COL24A1: variants seen among roughly 807,000 people sequenced by gnomAD.
COL24A1 encodes the protein collagen alpha-1(XXIV) chain.
Under a neutral mutation model 253.9 loss-of-function variants are expected in COL24A1, and 224 were observed. The observed-to-expected ratio is 0.88, with a 90% CI of 0.79 to 0.99. COL24A1 has a LOEUF of 0.99. COL24A1 is among the 50% of genes least tolerant of loss of function. COL24A1 has a pLI of 0.00. For missense variants in COL24A1, 2,131 were observed against 2,068.5 expected (o/e 1.03, Z -0.59); for synonymous variants, 685 against 673.7 (o/e 1.02, Z -0.26).
chr1:85,802,848 T>C (rs901146525), intron 47 of COL24A1, among the ~76,000 whole-genome samples: 3 of 152,206 alleles, frequency 2.0e-5, no homozygotes, highest in Non-Finnish European at 4.4e-5. Context: ...TGTATCTTTT[T>C]GTCTGTTTTT....
intron 28 of COL24A1, among the ~76,000 whole-genome samples, chr1:85,901,824 C>CAAAAAAAAAAAA (rs55862441): frequency 2.1e-4 from 12 of 57,790 alleles, no homozygotes; most frequent in East Asian, 1.3e-3. Context: ...GACTCCGTCT[C>CAAAAAAAAAAAA]AAAAAAAAAA....
intron 47 of COL24A1, among the ~76,000 whole-genome samples, chr1:85,790,462 G>A: frequency 6.6e-6 from 1 of 151,014 alleles, no homozygotes; most frequent in East Asian, 1.9e-4. Flanking sequence ...TTATTAGATA[G>A]CTAATGATCT....
chr1:85,828,936 A>G (rs1423251114), intron 43 of COL24A1, among the ~76,000 whole-genome samples: 1 of 150,782 alleles, frequency 6.6e-6, no homozygotes, highest in East Asian at 1.9e-4. Flanking sequence ...TAAAGTTAAT[A>G]TTGTTATGTG....
At chr1:85,766,387 A>G (rs1247604424) in intron 53 of COL24A1, among the ~76,000 whole-genome samples, 176 of 59,160 alleles carry the variant, frequency 3.0e-3, no homozygotes, top group African/African-American at 7.1e-3. Flanking sequence ...AAAAAAAAAA[A>G]AAAGAAAGAA....
chr1:85,801,563 T>C (rs745499503), intron 47 of COL24A1, among the ~76,000 whole-genome samples: 2 of 152,226 alleles, frequency 1.3e-5, no homozygotes, highest in Non-Finnish European at 2.9e-5. Context: ...CCCTTTACCA[T>C]TTCAGGTCTA....
At chr1:86,073,190 C>T (rs766602141) in intron 7 of COL24A1, among the ~76,000 whole-genome samples, 19 of 152,128 alleles carry the variant, frequency 1.2e-4, no homozygotes, top group Non-Finnish European at 2.4e-4. Flanking sequence ...GCTAAAGGAG[C>T]ATGTTCTAAC....
chr1:85,806,584 A>C (rs751039072), intron 47 of COL24A1, among the ~76,000 whole-genome samples: 8 of 152,234 alleles, frequency 5.3e-5, no homozygotes, highest in Non-Finnish European at 1.0e-4. Flanking sequence ...TGTTTTTCAC[A>C]AAACATTCTT....
In COL24A1 at chr1:85,747,272, C is replaced by T. The variant is rs562918329; in HGVS notation, c.4438-1766G>A. 8.6e-5 allele frequency among the ~76,000 whole-genome samples: 13 copies of T among 151,768 alleles called. No homozygotes were observed. In the East Asian group the frequency reaches 1.6e-3, roughly 18 times the overall value. ...GTGACTACAGGCTTGTGACAACACA[C>T]CCAGCTAATTTTTGTATTTTTGGTA... On this transcript the variant is annotated intron_variant, in intron 55 of 59. Coordinates refer to ENST00000370571, the MANE Select transcript of COL24A1 (RefSeq NM_152890.7).
chr1:85,884,592 T>C (rs921984770), intron 32 of COL24A1, among the ~76,000 whole-genome samples: 1 of 152,138 alleles, frequency 6.6e-6, no homozygotes, highest in African/African-American at 2.4e-5. Context: ...GAATTGGATA[T>C]TACCCTTCTT....
intron 21 of COL24A1, 57 bp downstream of exon 21, chr1:85,971,281 AAG>A: frequency 6.9e-7 from 1 of 1,452,114 alleles, no homozygotes; most frequent in Non-Finnish European, 9.6e-7. Context: ...AATAAATAAA[AAG>A]GGAAAATTTT....
chr1:85,987,564 C>A, intron 20 of COL24A1, 37 bp downstream of exon 20: 2 of 1,566,504 alleles, frequency 1.3e-6, no homozygotes, highest in Non-Finnish European at 1.7e-6. Context: ...TCTAGATAAC[C>A]ATAATTGTTT....
intron 37 of COL24A1, among the ~76,000 whole-genome samples, chr1:85,853,778 G>C (rs1678092666): frequency 6.6e-6 from 1 of 152,148 alleles, no homozygotes; most frequent in Non-Finnish European, 1.5e-5. Flanking sequence ...TTTTTGAGAA[G>C]TGTATGTTCA....
At chr1:85,788,866 G>A (rs553967347) in intron 47 of COL24A1, among the ~76,000 whole-genome samples, 263 of 152,258 alleles carry the variant, frequency 1.7e-3, no homozygotes, top group Non-Finnish European at 2.9e-3. Context: ...AGATCAGATG[G>A]TTGTAGGTGT....
chr1:86,012,406 A>G (rs1486753347), intron 19 of COL24A1, among the ~76,000 whole-genome samples: 1 of 152,010 alleles, frequency 6.6e-6, no homozygotes, highest in Non-Finnish European at 1.5e-5. Context: ...CGGCTAACAC[A>G]GTGAAATCCC....
At position 86,038,020 on chromosome 1, in the gene COL24A1, T is replaced by C. The variant is rs1317979778; in HGVS notation, c.1951-4097A>G. Among the ~76,000 whole-genome samples the C allele has an allele frequency of 2.0e-5, 3 of 152,176 alleles. No homozygotes were observed. The East Asian group carries it at 5.8e-4, about 29-fold the overall frequency. On this transcript the variant is annotated intron_variant, in intron 12 of 59. Coordinates refer to ENST00000370571, the MANE Select transcript of COL24A1 (RefSeq NM_152890.7). ...AAATTTGACTTTATCTTGTTAAATA[T>C]CTGTATTTTAAACTTTATCATTCCA...
rs535479135 is a variant in COL24A1, at chr1:85,953,107, T to C, written c.2562+8142A>G. Among the ~76,000 whole-genome samples the C allele has an allele frequency of 5.7e-4, 87 of 152,280 alleles. 1 individual carries two copies. In the Middle Eastern group the frequency reaches 0.017, roughly 30 times the overall value. On this transcript the variant is annotated intron_variant, in intron 24 of 59. Transcript: ENST00000370571. Reference sequence around the variant, plus strand: ...ATTTGATATATCCTGACCATAAAAGTATCATTAGAACCCTTTGCTATTTTT... The same window carrying C: ...ATTTGATATATCCTGACCATAAAAGCATCATTAGAACCCTTTGCTATTTTT...
chr1:85,992,918 GA>G (rs1174563666), intron 19 of COL24A1, among the ~76,000 whole-genome samples: 1 of 152,074 alleles, frequency 6.6e-6, no homozygotes, highest in African/African-American at 2.4e-5. Flanking sequence ...GCAGAAAAAA[GA>G]AGTAGTTTTA....
At chr1:85,792,894 T>C (rs1359187294) in intron 47 of COL24A1, among the ~76,000 whole-genome samples, 2 of 151,878 alleles carry the variant, frequency 1.3e-5, no homozygotes, top group Non-Finnish European at 2.9e-5. Context: ...GAAAAGAAAT[T>C]AGTGAGAAGA....
chr1:85,963,169 C>A (rs1295234045), intron 23 of COL24A1, among the ~76,000 whole-genome samples: 2 of 152,080 alleles, frequency 1.3e-5, no homozygotes, highest in African/African-American at 4.8e-5. Flanking sequence ...TAATATTCAT[C>A]ATGAGTGATC....
Sources: allele counts gnomAD v4.1 joint callset (sites outside exome capture counted in the v4.1 genomes callset), GRCh38; gene constraint gnomAD v4.1.1; transcripts MANE v1.5; gene names NCBI Gene and HGNC (gene_info 2026-07-23, HGNC 2026-07-21).